The following DYNAP variants were observed in gnomAD, a reference collection of about 807,000 sequenced individuals.
DYNAP encodes dynactin associated protein.
A neutral mutation model predicts 8.5 loss-of-function variants in DYNAP; 7 were observed. The ratio of observed to expected loss-of-function variants is 0.82; its 90% confidence interval spans 0.47 to 1.54. The LOEUF (loss-of-function observed/expected upper bound fraction) is 1.54. Among genes scored for constraint, DYNAP ranks in the 40% most tolerant of loss-of-function variants. The pLI is 0.01. For missense variants in DYNAP, 256 were observed against 224.3 expected, an observed-to-expected ratio of 1.14 and a Z score of -0.90; for synonymous variants, 77 against 77.9, an observed-to-expected ratio of 0.99 and a Z score of 0.06.
In DYNAP at chr18:54,597,901, T is replaced by G. The variant is rs1599455601; in HGVS notation, c.311T>G (p.Val104Gly). The G allele has an allele frequency of 6.2e-7, 1 of 1,613,424 alleles. No individual in the cohort carries two copies. ...LACVIMTAIGVLIICLVNNKG... is the reference protein window; with the variant it reads ...LACVIMTAIGGLIICLVNNKG... ...TGTGTGATAATGACAGCAATTGGAG[T>G]ACTTATAATATGCTTGGTGAATAAC... Residue 104 changes from valine to glycine, a missense_variant, in exon 3 of 3, where the codon GTA (valine) becomes GGA (glycine). Coordinates refer to ENST00000648945, the MANE Select transcript of DYNAP (RefSeq NM_173629.3).
At chr18:54,587,176 G>C (rs1316798186), upstream of DYNAP, among the ~76,000 whole-genome samples, 1 of 152,152 alleles carries the variant, frequency 6.6e-6, no homozygotes, top group Non-Finnish European at 1.5e-5. Flanking sequence ...ATGAGAGTCA[G>C]TTTACTATTT....
chr18:54,597,409 G>A (rs1174264948), intron 2 of DYNAP, among the ~76,000 whole-genome samples: 2 of 152,026 alleles, frequency 1.3e-5, no homozygotes, highest in Middle Eastern at 3.2e-3. Context: ...ATCATTGTAG[G>A]TTCATTAATT....
Position 54,591,256 on chromosome 18 carries a change from G to C in DYNAP, c.-27G>C. 6.2e-7 allele frequency: 1 copy of C among 1,612,750 alleles called. No individual in the cohort carries two copies. Among genetic ancestry groups the C allele is most frequent in the Non-Finnish European group, 8.5e-7 (1 of 1,179,182 alleles). ...ACAAATTGAAAAATATTCTTGGAGA[G>C]AAGCTTGTGATACTGGCAGCTCAAG... is the stretch of plus-strand genomic sequence containing the variant. On this transcript the variant is annotated 5_prime_UTR_variant, in exon 1 of 3. Coordinates refer to ENST00000648945, the MANE Select transcript of DYNAP (RefSeq NM_173629.3).
At chr18:54,591,989 A>C (rs1911096293) in intron 1 of DYNAP, among the ~76,000 whole-genome samples, 1 of 152,208 alleles carries the variant, frequency 6.6e-6, no homozygotes, top group African/African-American at 2.4e-5. Context: ...GAGAATTAAA[A>C]TAGTGAGTTA....
intron 2 of DYNAP, 130 bp downstream of exon 2, chr18:54,595,233 T>A: frequency 1.9e-6 from 2 of 1,055,842 alleles, no homozygotes; most frequent in Non-Finnish European, 2.6e-6. Flanking sequence ...GCATTTGCTG[T>A]ATTCTCAGTA....
At chr18:54,595,535 T>C (rs991962403) in intron 2 of DYNAP, among the ~76,000 whole-genome samples, 12 of 152,146 alleles carry the variant, frequency 7.9e-5, no homozygotes, top group African/African-American at 2.4e-4. Context: ...TCTTACTCTG[T>C]GCAGCCTCCG....
chr18:54,598,560 G>A lies in DYNAP; in HGVS notation c.*415G>A. On this transcript the variant is annotated 3_prime_UTR_variant, in exon 3 of 3. Coordinates refer to ENST00000648945, the MANE Select transcript of DYNAP (RefSeq NM_173629.3). ...CAAATTCCTTTCTAAGGGGTATGGG[G>A]AGTCATGCCCTACAAACCATAAATT... 1 of 169,666 alleles carries A rather than the reference G, an allele frequency of 5.9e-6. No individual in the cohort carries two copies. The highest frequency in any genetic ancestry group is 5.6e-5 in the Admixed American group (1 of 17,756). 10.5% of individuals were successfully genotyped at this position (169,666 alleles called of 1,614,324 possible). A position where few individuals can be genotyped will look rare whatever the true frequency, so the allele number is the denominator to read the frequency against.
At chr18:54,594,356 C>T (rs113149589) in intron 1 of DYNAP, among the ~76,000 whole-genome samples, 2,332 of 152,148 alleles carry the variant, frequency 0.015, 29 homozygotes, top group Non-Finnish European at 0.024. Context: ...AAAGCAGTCA[C>T]TTTGTGTAAG....
chr18:54,588,804 A>G (rs1397632967), upstream of DYNAP, among the ~76,000 whole-genome samples: 2 of 152,174 alleles, frequency 1.3e-5, no homozygotes, highest in Non-Finnish European at 2.9e-5. Flanking sequence ...ATGAATTTAC[A>G]GAATGTTTCA....
chr18:54,591,758 T>C (rs1308784841), intron 1 of DYNAP, among the ~76,000 whole-genome samples: 1 of 152,104 alleles, frequency 6.6e-6, no homozygotes, highest in East Asian at 1.9e-4. Context: ...AGATATTAAT[T>C]CTAGATATTA....
intron 1 of DYNAP, among the ~76,000 whole-genome samples, chr18:54,592,862 G>A (rs1259992989): frequency 1.3e-5 from 2 of 152,032 alleles, no homozygotes; most frequent in Non-Finnish European, 2.9e-5. Flanking sequence ...GAAAGGGCTG[G>A]GATTCTAACA....
At chr18:54,583,991 C>T (rs1910796954), upstream of DYNAP, among the ~76,000 whole-genome samples, 1 of 151,686 alleles carries the variant, frequency 6.6e-6, no homozygotes, top group African/African-American at 2.4e-5. Flanking sequence ...GAAAGACTAA[C>T]AACTCCAAAT....
upstream of DYNAP, among the ~76,000 whole-genome samples, chr18:54,590,952 G>C (rs570911489): frequency 6.6e-6 from 1 of 152,054 alleles, no homozygotes. Flanking sequence ...TTCTGGGGTC[G>C]GTCCTAAAAT....
the DYNAP span, among the ~76,000 whole-genome samples, chr18:54,582,369 A>G: frequency 1.5e-4 from 23 of 152,236 alleles, no homozygotes; most frequent in African/African-American, 4.3e-4. Context: ...TCTATTTAAA[A>G]AGAAATATGT....
intron 2 of DYNAP, among the ~76,000 whole-genome samples, chr18:54,596,532 TG>T (rs1568242477): frequency 1.3e-5 from 2 of 152,166 alleles, no homozygotes; most frequent in Non-Finnish European, 2.9e-5. Context: ...ATGAATCTAA[TG>T]TACAACTAGT....
upstream of DYNAP, among the ~76,000 whole-genome samples, chr18:54,589,341 C>A (rs572985382): frequency 2.7e-4 from 41 of 152,190 alleles, no homozygotes; most frequent in African/African-American, 9.6e-4. Flanking sequence ...ATTGGCGACT[C>A]TGAGAAGGTA....
upstream of DYNAP, among the ~76,000 whole-genome samples, chr18:54,585,260 G>A (rs1286063382): frequency 6.6e-6 from 1 of 151,804 alleles, no homozygotes; most frequent in Non-Finnish European, 1.5e-5. Context: ...CTAACACTGA[G>A]GCCATAAAAC....
At chr18:54,594,815 TAAG>T in intron 1 of DYNAP, 121 bp from the exon 2 acceptor site, 1 of 1,059,336 alleles carries the variant, frequency 9.4e-7, no homozygotes, top group South Asian at 2.0e-5. Flanking sequence ...CTTCAGGGGA[TAAG>T]AAAACATTTA....
Position 54,598,204 on chromosome 18 carries a change from G to T in DYNAP, c.*59G>T. ...CTTCAACCTCTACCACTTCAACTCA[G>T]TTTGCAACTATAATAGCTACTCCTA... On this transcript the variant is annotated 3_prime_UTR_variant, in exon 3 of 3. Transcript: ENST00000648945. 1 of 1,521,022 alleles carries T rather than the reference G, an allele frequency of 6.6e-7. No homozygotes were observed. Among genetic ancestry groups the T allele is most frequent in the Non-Finnish European group, 8.9e-7 (1 of 1,121,014 alleles). The allele number at this position is 1,521,022 out of a possible 1,614,324, so 94.2% of individuals were successfully genotyped here. A position where few individuals can be genotyped will look rare whatever the true frequency, so the allele number is the denominator to read the frequency against.
Sources: allele counts gnomAD v4.1 joint callset (sites outside exome capture counted in the v4.1 genomes callset), GRCh38; gene constraint gnomAD v4.1.1; transcripts MANE v1.5; gene names NCBI Gene and HGNC (gene_info 2026-07-23, HGNC 2026-07-21).